Variants in PALMD observed in about 807,000 individuals in gnomAD.
The protein encoded by PALMD is palmdelphin.
Under a neutral mutation model 56.2 loss-of-function variants are expected in PALMD, and 42 were observed. The ratio of observed to expected loss-of-function variants is 0.75; its 90% CI spans 0.58 to 0.97. The LOEUF (loss-of-function observed/expected upper bound fraction) is 0.97, where lower values mean the gene tolerates loss of function less well. Ranked by LOEUF, PALMD falls within the 50% of genes least tolerant of loss-of-function variation. The probability of loss-of-function intolerance (pLI) is 0.00; values close to 1 mark genes in which losing one functional copy is unlikely to be tolerated. For synonymous variants in PALMD, 242 were observed against 222.9 expected (o/e 1.09, Z -0.76); for missense variants, 660 against 643.8 (o/e 1.03, Z -0.27).
intron 1 of PALMD, among the ~76,000 whole-genome samples, chr1:99,654,298 T>C (rs2100854620): frequency 6.6e-6 from 1 of 152,172 alleles, no homozygotes; most frequent in South Asian, 2.1e-4. Flanking sequence ...TCAGAAAATA[T>C]AATGTGAAAA....
intron 3 of PALMD, among the ~76,000 whole-genome samples, chr1:99,675,404 A>G (rs1407460355): frequency 6.6e-6 from 1 of 152,226 alleles, no homozygotes; most frequent in African/African-American, 2.4e-5. Flanking sequence ...AAAAGAAAAG[A>G]GGCTTACCAG....
At chr1:99,653,039 C>T (rs1652630717) in intron 1 of PALMD, among the ~76,000 whole-genome samples, 2 of 152,130 alleles carry the variant, frequency 1.3e-5, no homozygotes, top group African/African-American at 4.8e-5. Flanking sequence ...TGCCTTCCTC[C>T]CCATCCCACT....
intron 1 of PALMD, among the ~76,000 whole-genome samples, chr1:99,647,965 G>T (rs941151593): frequency 6.6e-6 from 1 of 152,130 alleles, no homozygotes; most frequent in Non-Finnish European, 1.5e-5. Flanking sequence ...GTCACTGAAG[G>T]TTCCAAACGC....
intron 1 of PALMD, among the ~76,000 whole-genome samples, chr1:99,656,331 C>A (rs1441922292): frequency 1.3e-5 from 2 of 151,974 alleles, no homozygotes; most frequent in African/African-American, 4.8e-5. Flanking sequence ...TCTAATTATG[C>A]CCTGGATTCT....
At chr1:99,662,289 A>G in intron 1 of PALMD, 30 bp from the exon 2 acceptor site, 1 of 1,191,592 alleles carries the variant, frequency 8.4e-7, no homozygotes, top group Non-Finnish European at 1.2e-6. Context: ...AATTTTAAAA[A>G]TAAAATATAC....
In PALMD at chr1:99,688,060, T is replaced by G. The variant is rs148684147; in HGVS notation, c.515-715T>G. Among the ~76,000 whole-genome samples, 177 of 152,264 alleles carry G rather than the reference T, an allele frequency of 1.2e-3. 1 individual carries two copies. The East Asian group carries it at 0.026, about 23-fold the overall frequency. On this transcript the variant is annotated intron_variant, in intron 6 of 7. Transcript: ENST00000263174. ...GATCTTACTTAGGTCATGAAGCAAA[T>G]CTCAGCTTCCCCAGTTCTCTCCAGT...
intron 1 of PALMD, among the ~76,000 whole-genome samples, chr1:99,651,381 A>C (rs910448035): frequency 6.6e-6 from 1 of 152,188 alleles, no homozygotes; most frequent in African/African-American, 2.4e-5. Context: ...TACTTTGCTA[A>C]CTCCTCTACT....
intron 1 of PALMD, among the ~76,000 whole-genome samples, chr1:99,657,280 T>A (rs1014043245): frequency 2.6e-5 from 4 of 152,192 alleles, no homozygotes; most frequent in Non-Finnish European, 5.9e-5. Context: ...ATCCATCATC[T>A]TTTTTTCCAA....
chr1:99,670,597 A>G (rs1212565439), intron 3 of PALMD, among the ~76,000 whole-genome samples: 1 of 152,212 alleles, frequency 6.6e-6, no homozygotes, highest in East Asian at 1.9e-4. Flanking sequence ...AACACAGACA[A>G]GTATCTCTAA....
At chr1:99,647,448 T>C (rs1488582737) in intron 1 of PALMD, among the ~76,000 whole-genome samples, 2 of 152,250 alleles carry the variant, frequency 1.3e-5, no homozygotes, top group African/African-American at 4.8e-5. Context: ...TTGAAATGTC[T>C]TCTTAGCCAA....
intron 1 of PALMD, among the ~76,000 whole-genome samples, chr1:99,650,161 A>G (rs1652532693): frequency 6.6e-6 from 1 of 152,050 alleles, no homozygotes; most frequent in African/African-American, 2.4e-5. Flanking sequence ...GTTAGACAAT[A>G]AAAATAATCA....
intron 3 of PALMD, among the ~76,000 whole-genome samples, chr1:99,680,354 G>A (rs1413601367): frequency 6.6e-6 from 1 of 152,062 alleles, no homozygotes; most frequent in Non-Finnish European, 1.5e-5. Context: ...TTTTTCCCCA[G>A]TGAATAGGCA....
intron 2 of PALMD, among the ~76,000 whole-genome samples, chr1:99,666,243 G>GTT (rs3835489): frequency 6.8e-6 from 1 of 147,130 alleles, no homozygotes; most frequent in Non-Finnish European, 1.5e-5. Context: ...TGTTATATTG[G>GTT]TTTTTTTTTT....
intron 1 of PALMD, among the ~76,000 whole-genome samples, chr1:99,660,019 A>T (rs906775888): frequency 2.6e-5 from 4 of 152,232 alleles, no homozygotes; most frequent in Non-Finnish European, 4.4e-5. Flanking sequence ...ACTGGCAATG[A>T]GCAGGGGTGG....
intron 1 of PALMD, among the ~76,000 whole-genome samples, chr1:99,647,980 A>G (rs1652481753): frequency 6.6e-6 from 1 of 152,246 alleles, no homozygotes; most frequent in African/African-American, 2.4e-5. Context: ...AAACGCAAAT[A>G]GAGACAGAAA....
chr1:99,667,456 G>A (rs1652991869), intron 2 of PALMD, 186 bp from the exon 3 acceptor site: 1 of 593,322 alleles, frequency 1.7e-6, no homozygotes, highest in African/African-American at 1.9e-5. Flanking sequence ...CATAAAACCT[G>A]GCTTTGAATA....
chr1:99,680,573 G>T (rs1653318732), intron 3 of PALMD, among the ~76,000 whole-genome samples: 1 of 152,030 alleles, frequency 6.6e-6, no homozygotes, highest in Admixed American at 6.6e-5. Flanking sequence ...AACTGAATCA[G>T]CATTTCAAGG....
At chr1:99,655,761 C>T (rs1025632244) in intron 1 of PALMD, among the ~76,000 whole-genome samples, 60 of 152,150 alleles carry the variant, frequency 3.9e-4, no homozygotes, top group African/African-American at 1.3e-3. Context: ...TTTGATTTCG[C>T]TTTAGACATT....
intron 3 of PALMD, chr1:99,686,277 T>C (rs1009892488): frequency 6.5e-6 from 1 of 153,198 alleles, no homozygotes; most frequent in African/African-American, 2.4e-5. Context: ...TATGATGACT[T>C]GGATATGAAA....
Sources: gnomAD v4.1 joint callset for allele counts (sites outside exome capture counted in the v4.1 genomes callset) on GRCh38, gnomAD v4.1.1 for gene constraint, MANE v1.5 for transcripts, NCBI Gene and HGNC (gene_info 2026-07-23, HGNC 2026-07-21) for gene names.